The following CNGB1 variants were observed in gnomAD, a reference collection of about 807,000 sequenced individuals.
CNGB1 encodes the protein cyclic nucleotide-gated channel beta-1.
CNGB1 carries 126 observed loss-of-function variants against 151.7 expected under a neutral mutation model. The ratio of observed to expected loss-of-function variants is 0.83; its 90% CI spans 0.72 to 0.96. CNGB1 has a LOEUF of 0.96. Among genes scored for constraint, CNGB1 ranks in the 40% least tolerant of loss-of-function variants. The pLI, the probability that CNGB1 is intolerant of heterozygous loss-of-function variation, is 0.00. For synonymous variants in CNGB1, 623 were observed against 635.1 expected (o/e 0.98, Z 0.29); for missense variants, 1,698 against 1,627.0 (o/e 1.04, Z -0.75).
At chr16:57,906,581 A>G (rs1224435530) in intron 25 of CNGB1, among the ~76,000 whole-genome samples, 1 of 152,172 alleles carries the variant, frequency 6.6e-6, no homozygotes, top group Non-Finnish European at 1.5e-5. Flanking sequence ...CAAGTTTCAG[A>G]ACCCAAAACG....
chr16:57,940,177 C>T, intron 15 of CNGB1, 57 bp downstream of exon 15: 8 of 1,481,876 alleles, frequency 5.4e-6, no homozygotes, highest in Non-Finnish European at 7.4e-6. Flanking sequence ...AGGTCCCCAT[C>T]CTTCCACCAA....
intron 18 of CNGB1, 95 bp from the exon 19 acceptor site, chr16:57,920,639 G>A (rs1961007204): frequency 6.7e-7 from 1 of 1,496,726 alleles, no homozygotes; most frequent in African/African-American, 1.4e-5. Flanking sequence ...CCCACCTTCT[G>A]ACAGAGCCTG....
At position 57,923,262 on chromosome 16, in the gene CNGB1, A is replaced by T; in HGVS notation, c.1643+11T>A. 6.4e-7 allele frequency: 1 copy of T among 1,552,164 alleles called. No individual in the cohort carries two copies. Among genetic ancestry groups the T allele is most frequent in the Non-Finnish European group, 8.8e-7 (1 of 1,136,634 alleles). ...GTCTTTCAATTTTCTGAGACCCCAG[A>T]GGGGTCTCACTCAGTGTCCTTCGGG... is the stretch of plus-strand genomic sequence containing the variant. On this transcript the variant is annotated intron_variant, in intron 18 of 32. Coordinates refer to ENST00000251102, the MANE Select transcript of CNGB1 (RefSeq NM_001297.5).
At position 57,910,897 on chromosome 16, in the gene CNGB1, G is replaced by A. The variant is rs972515019; in HGVS notation, c.2492+856C>T. ...AGGAACCCCTGAGGCTGTACCACGG[G>A]CGTGTCCTTAACTTTGGCAAAATAA... On this transcript the variant is annotated intron_variant, in intron 25 of 32. Coordinates refer to ENST00000251102, the MANE Select transcript of CNGB1 (RefSeq NM_001297.5). 2.6e-5 allele frequency among the ~76,000 whole-genome samples: 4 copies of A among 152,136 alleles called. No individual in the cohort carries two copies. The East Asian group carries it at 5.8e-4, about 22-fold the overall frequency.
At chr16:57,940,708 C>T (rs756032153) in intron 14 of CNGB1, among the ~76,000 whole-genome samples, 64 of 152,118 alleles carry the variant, frequency 4.2e-4, no homozygotes, top group Non-Finnish European at 7.6e-4. Flanking sequence ...TCTGGGGTCT[C>T]CCAGTCTCCA....
intron 4 of CNGB1, among the ~76,000 whole-genome samples, chr16:57,963,315 C>T (rs1455646144): frequency 6.6e-6 from 1 of 152,206 alleles, no homozygotes; most frequent in Non-Finnish European, 1.5e-5. Flanking sequence ...CCCCAAAAAG[C>T]TCCACGTCCT....
chr16:57,901,686 C>G, intron 27 of CNGB1, 61 bp from the exon 28 acceptor site: 1 of 1,396,974 alleles, frequency 7.2e-7, no homozygotes, highest in East Asian at 2.3e-5. Flanking sequence ...GACATACATA[C>G]CGGCCAAGTG....
chr16:57,957,528 G>A (rs1397751585), intron 11 of CNGB1, 151 bp from the exon 12 acceptor site: 1 of 727,422 alleles, frequency 1.4e-6, no homozygotes. Context: ...GCTGTGCCCA[G>A]GGCCAATGAA....
rs187011075 is a variant in CNGB1, at chr16:57,910,601, T to G, written c.2492+1152A>C. Among the ~76,000 whole-genome samples the G allele has an allele frequency of 5.1e-3, 781 of 151,836 alleles. 3 individuals carry two copies. The highest frequency in any genetic ancestry group is 8.6e-3 in the Non-Finnish European group (583 of 67,948). ...GTCGGCCAGGCTGGTCTCGAACTCCTGACCTCAAGTGATCTGCCCGCCTCA... is the reference window on the plus strand; with the variant it reads ...GTCGGCCAGGCTGGTCTCGAACTCCGGACCTCAAGTGATCTGCCCGCCTCA... On this transcript the variant is annotated intron_variant, in intron 25 of 32. Transcript: ENST00000251102.
Position 57,884,336 on chromosome 16 carries a change from G to C in CNGB1, c.3584C>G (p.Ser1195Cys), listed in dbSNP as rs201186180. Residue 1195 changes from serine (S) to cysteine (C), a missense_variant, in exon 33 of 33, where the codon TCT becomes TGT. Transcript: ENST00000251102. ...GGCAGGCGGTGGAGAGCTCGGTGGA[G>C]ACCCCGGGGGCTCGGGGGGCGTCCG... ...APRTPPEPPG[S>C]PPSSPPPASL... is the part of the protein sequence containing the mutation. The C allele has an allele frequency of 1.3e-3, 2,016 of 1,544,794 alleles. 18 individuals carry two copies. Among genetic ancestry groups the C allele is most frequent in the South Asian group, 0.012 (1,073 of 86,792 alleles).
In CNGB1 at chr16:57,884,088, C is replaced by A. The variant is rs1385175892; in HGVS notation, c.*76G>T. On this transcript the variant is annotated 3_prime_UTR_variant, in exon 33 of 33. Transcript: ENST00000251102. ...TCTTGAGCCGTGGGGGAAGGTGGGG[C>A]GCTGGGGCGCAGGGGCGCAGCGGGC... 6.3e-7 allele frequency: 1 copy of A among 1,598,794 alleles called. No individual in the cohort carries two copies. Among genetic ancestry groups the A allele is most frequent in the South Asian group, 1.1e-5 (1 of 90,716 alleles).
At position 57,884,360 on chromosome 16, in the gene CNGB1, C is replaced by T. The variant is rs543712958; in HGVS notation, c.3560G>A (p.Arg1187Gln). The T allele has an allele frequency of 5.9e-4, 946 of 1,610,230 alleles. 14 individuals are homozygous for T. In the South Asian group the frequency reaches 8.9e-3, roughly 15 times the overall value. Residue 1187 changes from arginine to glutamine, a missense_variant, in exon 33 of 33, where the codon CGG (arginine) becomes CAG (glutamine). By Grantham distance (43) the Arg-to-Gln change is conservative. Coordinates refer to ENST00000251102, the MANE Select transcript of CNGB1 (RefSeq NM_001297.5). ...AGACCCCGGGGGCTCGGGGGGCGTC[C>T]GGGGCGCGGGTGGGTCGGTGGCGGC... Reference protein sequence around the residue: ...KEAATDPPAPRTPPEPPGSPP... With the variant: ...KEAATDPPAPQTPPEPPGSPP...
chr16:57,891,089 C>A lies in CNGB1; in HGVS notation c.3243-3015G>T, dbSNP rs570203470. 3.3e-5 allele frequency among the ~76,000 whole-genome samples: 5 copies of A among 152,304 alleles called. No homozygotes were observed. The South Asian group carries it at 1.0e-3, about 32-fold the overall frequency. On this transcript the variant is annotated intron_variant, in intron 31 of 32. Coordinates refer to ENST00000251102, the MANE Select transcript of CNGB1 (RefSeq NM_001297.5). ...TCTGATTTGCCAAACTCTTGCCTAA[C>A]CCACCCAGCAGGATGGGTAACAGCT... is the stretch of plus-strand genomic sequence containing the variant.
intron 16 of CNGB1, among the ~76,000 whole-genome samples, chr16:57,934,575 T>C (rs1961452320): frequency 6.6e-6 from 1 of 152,190 alleles, no homozygotes; most frequent in African/African-American, 2.4e-5. Flanking sequence ...CCGGGAACAT[T>C]TTCCCAAGTG....
chr16:57,966,304 C>G (rs932104358), intron 2 of CNGB1, among the ~76,000 whole-genome samples: 2 of 152,202 alleles, frequency 1.3e-5, no homozygotes, highest in Admixed American at 6.5e-5. Context: ...TCTGCTGAGT[C>G]CCCGGGGCAA....
intron 32 of CNGB1, among the ~76,000 whole-genome samples, chr16:57,884,958 G>T (rs1959871360): frequency 6.6e-6 from 1 of 152,138 alleles, no homozygotes; most frequent in Non-Finnish European, 1.5e-5. Context: ...AGTCTCAAAG[G>T]TTGAGATCCT....
intron 25 of CNGB1, among the ~76,000 whole-genome samples, chr16:57,909,066 C>T (rs1567372386): frequency 6.6e-6 from 1 of 152,080 alleles, no homozygotes; most frequent in South Asian, 2.1e-4. Flanking sequence ...CTCAGGAAGC[C>T]GAGACCAGCC....
chr16:57,939,356 C>A, intron 16 of CNGB1, 74 bp downstream of exon 16: 1 of 1,605,176 alleles, frequency 6.2e-7, no homozygotes, highest in Non-Finnish European at 8.5e-7. Context: ...GTTGCCCCTG[C>A]ACGAAGGCTG....
chr16:57,917,663 C>G (rs1960914210), intron 20 of CNGB1, among the ~76,000 whole-genome samples, 187 bp from the exon 21 acceptor site: 1 of 150,748 alleles, frequency 6.6e-6, no homozygotes, highest in Non-Finnish European at 1.5e-5. Context: ...CACACACACA[C>G]AACTCTCTGC....
Sources: gnomAD v4.1 joint callset for allele counts (sites outside exome capture counted in the v4.1 genomes callset) on GRCh38, gnomAD v4.1.1 for gene constraint, MANE v1.5 for transcripts, NCBI Gene and HGNC (gene_info 2026-07-23, HGNC 2026-07-21) for gene names.